CIROZ: variants seen among roughly 807,000 people sequenced by gnomAD.
CIROZ encodes ciliated left-right organizer ZP-N domains-containing protein.
At chr1:10,951,745 A>AATATATATATATATATATATATATATAT in the CIROZ span, among the ~76,000 whole-genome samples, 1 of 119,206 alleles carries the variant, frequency 8.4e-6, no homozygotes, top group African/African-American at 3.6e-5. Context: ...AAAAAAAAAA[A>AATATATATATATATATATATATATATAT]ATATATATAT....
the CIROZ span, among the ~76,000 whole-genome samples, chr1:10,947,299 G>A: frequency 3.1e-3 from 472 of 152,324 alleles, 4 homozygotes; most frequent in African/African-American, 0.011. Flanking sequence ...AAACACAGCT[G>A]GCAGGGCCAG....
At chr1:10,947,776 C>G in the CIROZ span, 2 of 1,596,212 alleles carry the variant, frequency 1.3e-6, no homozygotes, top group Admixed American at 3.4e-5. Context: ...TGGAGTGAGG[C>G]CCCCCGGCCA....
the CIROZ span, among the ~76,000 whole-genome samples, chr1:10,967,905 C>T: frequency 1.1e-4 from 16 of 152,188 alleles, no homozygotes; most frequent in Admixed American, 3.9e-4. Context: ...ACCCAGGAGG[C>T]GGAGGTTGCA....
At chr1:10,966,467 G>A in the CIROZ span, 1 of 1,534,556 alleles carries the variant, frequency 6.5e-7, no homozygotes, top group South Asian at 1.2e-5. Flanking sequence ...CAGGTGGTCA[G>A]GGGACCTCCA....
At chr1:10,976,765 G>T in the CIROZ span, among the ~76,000 whole-genome samples, 3 of 151,846 alleles carry the variant, frequency 2.0e-5, no homozygotes, top group East Asian at 5.8e-4. Context: ...TAATAATCAG[G>T]CTCAGAAGAA....
the CIROZ span, chr1:10,957,872 A>T: frequency 8.3e-7 from 1 of 1,204,724 alleles, no homozygotes; most frequent in South Asian, 1.5e-5. Context: ...GGGGAGGATA[A>T]TCTAGGCCAG....
At chr1:10,962,043 C>G in the CIROZ span, among the ~76,000 whole-genome samples, 1 of 152,188 alleles carries the variant, frequency 6.6e-6, no homozygotes, top group African/African-American at 2.4e-5. Flanking sequence ...GCCTTCCTCT[C>G]CTTTCTCTTC....
chr1:10,948,131 G>A, the CIROZ span: 1 of 1,613,600 alleles, frequency 6.2e-7, no homozygotes, highest in East Asian at 2.2e-5. Context: ...CACTTGGGGT[G>A]GAGAATGTGG....
chr1:10,956,720 A>T, the CIROZ span, among the ~76,000 whole-genome samples: 1 of 151,092 alleles, frequency 6.6e-6, no homozygotes, highest in East Asian at 1.9e-4. Context: ...CTCGTAATCC[A>T]CCCGCCGCGG....
At chr1:10,967,004 C>T in the CIROZ span, among the ~76,000 whole-genome samples, 1 of 151,970 alleles carries the variant, frequency 6.6e-6, no homozygotes, top group African/African-American at 2.4e-5. Context: ...CAAAAATTAG[C>T]CAGGCATGGT....
the CIROZ span, among the ~76,000 whole-genome samples, chr1:10,980,086 A>C: frequency 1.3e-5 from 2 of 152,190 alleles, no homozygotes; most frequent in Non-Finnish European, 2.9e-5. Flanking sequence ...TTTAAAAAGC[A>C]ATGTGAAAAG....
the CIROZ span, chr1:10,955,062 G>T: frequency 6.2e-7 from 1 of 1,614,032 alleles, no homozygotes; most frequent in Non-Finnish European, 8.5e-7. Context: ...CCATAAAGAT[G>T]TTGGACTGGT....
chr1:10,948,306 G>A, the CIROZ span: 19 of 1,613,652 alleles, frequency 1.2e-5, no homozygotes, highest in East Asian at 2.2e-4. Flanking sequence ...GGGCTCTCCG[G>A]GAGAACGGTG....
At chr1:10,954,453 C>CAAAA in the CIROZ span, among the ~76,000 whole-genome samples, 14 of 117,130 alleles carry the variant, frequency 1.2e-4, no homozygotes, top group African/African-American at 3.1e-4. Flanking sequence ...GACTCTGTCT[C>CAAAA]AAAAAAAAAA....
chr1:10,954,520 C>T, the CIROZ span, among the ~76,000 whole-genome samples: 4 of 152,114 alleles, frequency 2.6e-5, no homozygotes, highest in African/African-American at 9.7e-5. Flanking sequence ...GCAGGGGCAT[C>T]CCATGCCCTG....
the CIROZ span, chr1:10,955,015 G>A: frequency 4.8e-5 from 77 of 1,606,238 alleles, no homozygotes; most frequent in Non-Finnish European, 5.7e-5. Flanking sequence ...CCCGGCCGCC[G>A]GAATGCTGAC....
the CIROZ span, chr1:10,957,708 C>T: frequency 1.2e-6 from 2 of 1,614,104 alleles, no homozygotes; most frequent in Non-Finnish European, 1.7e-6. Context: ...CTGGCGTCTT[C>T]AAGAGAAGCC....
chr1:10,952,851 G>T, the CIROZ span, among the ~76,000 whole-genome samples: 1 of 152,172 alleles, frequency 6.6e-6, no homozygotes, highest in Non-Finnish European at 1.5e-5. Flanking sequence ...CAGATTGGAC[G>T]CTGCTTGAGA....
the CIROZ span, among the ~76,000 whole-genome samples, chr1:10,955,605 G>A: frequency 6.6e-6 from 1 of 152,116 alleles, no homozygotes; most frequent in African/African-American, 2.4e-5. Flanking sequence ...CACTTTGGGA[G>A]GCCGAGGTGG....
Sources: allele counts gnomAD v4.1 joint callset (sites outside exome capture counted in the v4.1 genomes callset), GRCh38; gene constraint gnomAD v4.1.1; transcripts MANE v1.5; gene names NCBI Gene and HGNC (gene_info 2026-07-23, HGNC 2026-07-21).